Variants in NCAPG2 observed in about 807,000 individuals in gnomAD.
NCAPG2 encodes the protein condensin-2 complex subunit G2.
A neutral mutation model predicts 141.1 loss-of-function variants in NCAPG2; 53 were observed. That is an observed-to-expected ratio of 0.38 (90% CI 0.30 to 0.47). The LOEUF (loss-of-function observed/expected upper bound fraction) is 0.47. Ranked by LOEUF, NCAPG2 falls within the 20% of genes least tolerant of loss-of-function variation. The probability of loss-of-function intolerance (pLI) is 0.99; values close to 1 mark genes in which losing one functional copy is unlikely to be tolerated. For missense variants in NCAPG2, 1,087 were observed against 1,389.0 expected (o/e 0.78, Z 3.46); for synonymous variants, 499 against 490.7 (o/e 1.02, Z -0.22).
At chr7:158,666,667 C>T (rs921429348) in intron 13 of NCAPG2, among the ~76,000 whole-genome samples, 3 of 151,858 alleles carry the variant, frequency 2.0e-5, no homozygotes, top group African/African-American at 7.3e-5. Context: ...TGGCTCCCGC[C>T]TGTAGTCCCA....
chr7:158,656,224 A>G (rs373147958), intron 19 of NCAPG2, 36 bp downstream of exon 19: 875 of 1,603,226 alleles, frequency 5.5e-4, no homozygotes, highest in South Asian at 1.8e-3. Context: ...CCCCACAATC[A>G]TAGGAAACCA....
chr7:158,693,032 A>C (rs1835226907), intron 3 of NCAPG2, 76 bp from the exon 4 acceptor site: 1 of 1,080,182 alleles, frequency 9.3e-7, no homozygotes, highest in Non-Finnish European at 1.4e-6. Flanking sequence ...AATTTCAGTT[A>C]CAAATTTTCT....
intron 24 of NCAPG2, among the ~76,000 whole-genome samples, chr7:158,649,492 G>A (rs1012894483): frequency 3.9e-5 from 6 of 152,022 alleles, no homozygotes; most frequent in African/African-American, 1.4e-4. Flanking sequence ...AAAAACAGAT[G>A]GTGAGCCAGA....
chr7:158,653,387 A>AAAAAT (rs1554553516), intron 22 of NCAPG2, among the ~76,000 whole-genome samples: 3,081 of 146,100 alleles, frequency 0.021, 50 homozygotes, highest in South Asian at 0.031. Context: ...ATAAAAAAAA[A>AAAAAT]AATAATAATA....
chr7:158,635,238 A>G (rs1212806247), intron 27 of NCAPG2, among the ~76,000 whole-genome samples: 1 of 152,220 alleles, frequency 6.6e-6, no homozygotes, highest in Non-Finnish European at 1.5e-5. Context: ...TAAGCTATAA[A>G]AAGCATCCAG....
intron 13 of NCAPG2, chr7:158,665,088 C>T (rs894123721): frequency 5.0e-6 from 1 of 198,786 alleles, no homozygotes; most frequent in South Asian, 9.2e-5. Context: ...AGTACCTTAA[C>T]TTTTGGCCCA....
Position 158,680,809 on chromosome 7 carries a change from C to A in NCAPG2, c.932G>T (p.Ser311Ile). 6.3e-7 allele frequency: 1 copy of A among 1,596,048 alleles called. No homozygotes were observed. Among genetic ancestry groups the A allele is most frequent in the South Asian group, 1.2e-5 (1 of 86,302 alleles). Residue 311 changes from serine to isoleucine, a missense_variant, in exon 10 of 28, where the codon AGT becomes ATT. Physicochemically the swap from Ser to Ile is moderately radical, Grantham distance 142. Transcript: ENST00000356309. ...AACTTTCTTTTGATGGTGAAAGTAA[C>A]TCAGAACCTAAGGACCAAAAAAAGG... is the stretch of plus-strand genomic sequence containing the variant. ...PVHSKVREVL[S>I]YFHHQKKVRQ...
chr7:158,693,670 T>G (rs1368822177), intron 2 of NCAPG2, among the ~76,000 whole-genome samples, 173 bp from the exon 3 acceptor site: 2 of 152,220 alleles, frequency 1.3e-5, no homozygotes, highest in South Asian at 2.1e-4. Flanking sequence ...TCTCCACCTA[T>G]TCTTTCCTAG....
At chr7:158,679,881 G>A in intron 11 of NCAPG2, 79 bp downstream of exon 11, 1 of 1,523,202 alleles carries the variant, frequency 6.6e-7, no homozygotes, top group East Asian at 2.3e-5. Flanking sequence ...AGGGGAGGTG[G>A]GGACACACAC....
intron 11 of NCAPG2, among the ~76,000 whole-genome samples, chr7:158,677,727 A>G (rs968667861): frequency 6.6e-6 from 1 of 152,214 alleles, no homozygotes; most frequent in African/African-American, 2.4e-5. Context: ...TTGCAATTAC[A>G]CCATCACCAG....
intron 12 of NCAPG2, among the ~76,000 whole-genome samples, chr7:158,674,288 A>T (rs111839329): frequency 4.4e-5 from 5 of 114,418 alleles, no homozygotes; most frequent in South Asian, 5.6e-4. Flanking sequence ...AAAAAAAAAA[A>T]TTTTTTTTTT....
chr7:158,680,826 A>G lies in NCAPG2; in HGVS notation c.925-10T>C. ...GAAAGTAACTCAGAACCTAAGGACCAAAAAAAGGAAAAGGAAGGCATTAAC... is the reference window on the plus strand; with the variant it reads ...GAAAGTAACTCAGAACCTAAGGACCGAAAAAAGGAAAAGGAAGGCATTAAC... On this transcript the variant is annotated splice_polypyrimidine_tract_variant and intron_variant, in intron 9 of 27. Coordinates refer to ENST00000356309, the MANE Select transcript of NCAPG2 (RefSeq NM_017760.7). 6.5e-7 allele frequency: 1 copy of G among 1,547,470 alleles called. No individual in the cohort carries two copies. Among genetic ancestry groups the G allele is most frequent in the East Asian group, 2.3e-5 (1 of 44,098 alleles).
intron 24 of NCAPG2, 32 bp from the exon 25 acceptor site, chr7:158,646,595 C>T: frequency 2.8e-6 from 4 of 1,443,066 alleles, no homozygotes; most frequent in Non-Finnish European, 2.8e-6. Context: ...AAGTTGTAAA[C>T]AGAGACTAGG....
intron 27 of NCAPG2, among the ~76,000 whole-genome samples, chr7:158,636,968 G>C (rs1432248033): frequency 6.6e-6 from 1 of 150,704 alleles, no homozygotes; most frequent in Non-Finnish European, 1.5e-5. Context: ...TTTTTTTTGA[G>C]ACGGAGCCCT....
chr7:158,677,540 A>AAAAAAAAAAAAAAAAAAG (rs1834162930), intron 11 of NCAPG2, among the ~76,000 whole-genome samples: 1 of 143,978 alleles, frequency 6.9e-6, no homozygotes, highest in Non-Finnish European at 1.6e-5. Context: ...AAAAAAAAAA[A>AAAAAAAAAAAAAAAAAAG]AAAAAAAACA....
chr7:158,667,331 T>TCCTTACCCACG lies in NCAPG2; in HGVS notation c.1480-2582_1480-2581insCGTGGGTAAGG. 12 of 97,118 alleles carry TCCTTACCCACG rather than the reference T, an allele frequency of 1.2e-4. 3 individuals are homozygous for TCCTTACCCACG. The African/African-American group carries it at 2.7e-3, about 22-fold the overall frequency. The allele number at this position is 97,118 out of a possible 1,614,324, so 6.0% of individuals were successfully genotyped here. A position where few individuals can be genotyped will look rare whatever the true frequency, so the allele number is the denominator to read the frequency against. Reference sequence around the variant, plus strand: ...CTTAGCCGCTACTGTGTCCCTCCGCTACTGTGTCCCTCCGCTCCTTAGCCA... The same window carrying TCCTTACCCACG: ...CTTAGCCGCTACTGTGTCCCTCCGCTCCTTACCCACGACTGTGTCCCTCCGCTCCTTAGCCA... On this transcript the variant is annotated intron_variant, in intron 13 of 27. Coordinates refer to ENST00000356309, the MANE Select transcript of NCAPG2 (RefSeq NM_017760.7).
At chr7:158,687,700 A>G (rs1834859583) in intron 6 of NCAPG2, among the ~76,000 whole-genome samples, 1 of 152,186 alleles carries the variant, frequency 6.6e-6, no homozygotes, top group Non-Finnish European at 1.5e-5. Flanking sequence ...AGGTGCAGAG[A>G]TGGAGACCAC....
chr7:158,696,227 C>G (rs541002145), intron 2 of NCAPG2: 1 of 152,340 alleles, frequency 6.6e-6, no homozygotes, highest in South Asian at 2.1e-4. Context: ...CATCCTCCAG[C>G]CTTTGTGTGT....
intron 19 of NCAPG2, among the ~76,000 whole-genome samples, chr7:158,656,033 G>A (rs1008373387): frequency 6.6e-6 from 1 of 152,194 alleles, no homozygotes; most frequent in Non-Finnish European, 1.5e-5. Context: ...CCTAGCAGGT[G>A]CAACACAAAT....
Sources: allele counts gnomAD v4.1 joint callset (sites outside exome capture counted in the v4.1 genomes callset), GRCh38; gene constraint gnomAD v4.1.1; transcripts MANE v1.5; gene names NCBI Gene and HGNC (gene_info 2026-07-23, HGNC 2026-07-21).